Variants in NMI observed in about 807,000 individuals in gnomAD.
NMI encodes N-myc-interactor.
Under a neutral mutation model 34.3 loss-of-function variants are expected in NMI, and 39 were observed. The ratio of observed to expected loss-of-function variants is 1.14; its 90% confidence interval spans 0.88 to 1.49. The LOEUF is 1.49. Among genes scored for constraint, NMI ranks in the 40% most tolerant of loss-of-function variants. NMI has a pLI of 0.00. For missense variants in NMI, 339 were observed against 358.1 expected, an observed-to-expected ratio of 0.95 and a Z score of 0.43; for synonymous variants, 113 against 120.3, an observed-to-expected ratio of 0.94 and a Z score of 0.40.
Position 151,274,677 on chromosome 2 carries a change from C to T in NMI, c.634+807G>A, listed in dbSNP as rs148828399. 7.3e-3 allele frequency among the ~76,000 whole-genome samples: 1,109 copies of T among 151,556 alleles called. 25 individuals carry two copies. The East Asian group carries it at 0.085, about 12-fold the overall frequency. On this transcript the variant is annotated intron_variant, in intron 6 of 7. Coordinates refer to ENST00000243346, the MANE Select transcript of NMI (RefSeq NM_004688.3). ...ATTTTTAGTAGAGACGGGGTTTCACCATGTTAGTCAGGCTGGTCTCGAACT... is the reference window on the plus strand; with the variant it reads ...ATTTTTAGTAGAGACGGGGTTTCACTATGTTAGTCAGGCTGGTCTCGAACT...
At chr2:151,281,713 A>G (rs1278024437) in intron 3 of NMI, among the ~76,000 whole-genome samples, 1 of 152,188 alleles carries the variant, frequency 6.6e-6, no homozygotes, top group African/African-American at 2.4e-5. Flanking sequence ...GCATGTCATT[A>G]TGATCTGTTC....
chr2:151,275,810 T>C lies in NMI; in HGVS notation c.395A>G (p.Asn132Ser). 6.2e-7 allele frequency: 1 copy of C among 1,613,528 alleles called. No individual in the cohort carries two copies. Among genetic ancestry groups the C allele is most frequent in the Non-Finnish European group, 8.5e-7 (1 of 1,179,686 alleles). ...AACTGGCTTGGCCGTAACCTCCAGATTTACATCTTTTATCTGTACATGATG... is the reference window on the plus strand; with the variant it reads ...AACTGGCTTGGCCGTAACCTCCAGACTTACATCTTTTATCTGTACATGATG... ...SKHHVQIKDV[N>S]LEVTAKPVPL... Residue 132 changes from asparagine to serine, a missense_variant, in exon 5 of 8, where the codon AAT becomes AGT. Coordinates refer to ENST00000243346, the MANE Select transcript of NMI (RefSeq NM_004688.3).
chr2:151,286,224 G>A lies in NMI; in HGVS notation c.-6-3270C>T, dbSNP rs150660599. On this transcript the variant is annotated intron_variant, in intron 1 of 7. Coordinates refer to ENST00000243346, the MANE Select transcript of NMI (RefSeq NM_004688.3). ...ACTGAGAACACAATGTAACTTCGAC[G>A]ACAGTCCTGCCAAAGATGCATAATC... Among the ~76,000 whole-genome samples the A allele has an allele frequency of 4.5e-3, 692 of 152,190 alleles. 2 individuals are homozygous for A. The highest frequency in any genetic ancestry group is 5.1e-3 in the African/African-American group (211 of 41,534).
Position 151,271,012 on chromosome 2 carries a change from G to C in NMI, c.742-137C>G, listed in dbSNP as rs532835598. The C allele has an allele frequency of 2.1e-4, 154 of 729,528 alleles. 2 individuals carry two copies. The South Asian group carries it at 2.8e-3, about 13-fold the overall frequency. The allele number at this position is 729,528 out of a possible 1,614,324, so 45.2% of individuals were successfully genotyped here. Reference sequence around the variant, plus strand: ...AATCTTAGGAAGATTTTCCAAGCAAGAGAATATCCAAGTCAGATCTGAGTT... The same window carrying C: ...AATCTTAGGAAGATTTTCCAAGCAACAGAATATCCAAGTCAGATCTGAGTT... On this transcript the variant is annotated intron_variant, in intron 7 of 7. Transcript: ENST00000243346.
chr2:151,278,952 T>C lies in NMI; in HGVS notation c.216A>G (p.Leu72=). 1 of 1,610,742 alleles carries C rather than the reference T, an allele frequency of 6.2e-7. No homozygotes were observed. The highest frequency in any genetic ancestry group is 1.1e-5 in the South Asian group (1 of 90,910). ...EDIPETKMKF[L]SVETPENDSQ... is the part of the protein sequence containing the mutation. ...TGTCATTCTCAGGAGTTTCAACTGA[T>C]AAGAATTTCATCTTTGTTTCAGGAA... The change falls in exon 4 of 8, where the codon TTA becomes TTG. Residue 72 remains leucine (L), a synonymous_variant. Coordinates refer to ENST00000243346, the MANE Select transcript of NMI (RefSeq NM_004688.3).
At chr2:151,281,926 T>A (rs750667904) in intron 3 of NMI, 22 bp downstream of exon 3, 3 of 1,170,668 alleles carry the variant, frequency 2.6e-6, no homozygotes, top group African/African-American at 1.5e-5. Context: ...AAATGTAGTA[T>A]ATAAAATAAT....
At chr2:151,275,246 G>A (rs1264664246) in intron 6 of NMI, among the ~76,000 whole-genome samples, 1 of 152,088 alleles carries the variant, frequency 6.6e-6, no homozygotes, top group Non-Finnish European at 1.5e-5. Flanking sequence ...GCCTCCCAAA[G>A]TGCTGGGATT....
rs777266434 is a variant in NMI at position 151,275,544 on chromosome 2, C to T, written c.574G>A (p.Asp192Asn). The T allele has an allele frequency of 3.1e-6, 5 of 1,614,054 alleles. No individual in the cohort carries two copies. The African/African-American group carries it at 4.0e-5, about 13-fold the overall frequency. The change falls in exon 6 of 8, where the codon GAC (aspartate) becomes AAC (asparagine). Residue 192 changes from aspartate (D) to asparagine (N), a missense_variant. Physicochemically the swap from Asp to Asn is conservative, Grantham distance 23. Coordinates refer to ENST00000243346, the MANE Select transcript of NMI (RefSeq NM_004688.3). ...SKSRNGGGEV[D>N]RVDYDRQSGS... ...GACTGTCTGTCATAGTCCACGCGGT[C>T]CACCTCTCCGCCTCCATTTCGGGAC...
At chr2:151,280,667 C>T (rs289828) in intron 3 of NMI, among the ~76,000 whole-genome samples, 104,392 of 152,014 alleles carry the variant, frequency 0.69, 36,871 homozygotes, top group African/African-American at 0.86. Flanking sequence ...TAGGGCTGGC[C>T]GGTTTCTAAA....
At chr2:151,278,755 G>A (rs531699832) in intron 4 of NMI, 73 bp downstream of exon 4, 1 of 1,127,466 alleles carries the variant, frequency 8.9e-7, no homozygotes, top group East Asian at 2.4e-5. Flanking sequence ...AGTAATATTA[G>A]CGAAGTAATA....
rs1411553743 is a variant in NMI, at chr2:151,270,648, A to T, written c.*45T>A. On this transcript the variant is annotated 3_prime_UTR_variant, in exon 8 of 8. Transcript: ENST00000243346. Reference sequence around the variant, plus strand: ...ATATTCATTTTTGTCAAACATTTACAGTAATCCGGGTTAAAAAGCTATAGT... The same window carrying T: ...ATATTCATTTTTGTCAAACATTTACTGTAATCCGGGTTAAAAAGCTATAGT... 2.1e-6 allele frequency: 3 copies of T among 1,445,858 alleles called. No individual in the cohort carries two copies. The highest frequency in any genetic ancestry group is 2.8e-6 in the Non-Finnish European group (3 of 1,055,546). 89.6% of individuals were successfully genotyped at this position (1,445,858 alleles called of 1,614,324 possible).
At chr2:151,289,476 G>C (rs568860545) in intron 1 of NMI, 117 bp downstream of exon 1, 2 of 152,276 alleles carry the variant, frequency 1.3e-5, no homozygotes, top group South Asian at 2.1e-4. Flanking sequence ...TCTCAACTCC[G>C]GCGCTGTCCC....
chr2:151,279,015 T>G, intron 3 of NMI, 25 bp from the exon 4 acceptor site: 1 of 1,500,474 alleles, frequency 6.7e-7, no homozygotes, highest in Non-Finnish European at 9.2e-7. Context: ...AATGTTTGAT[T>G]AAAATCAAGA....
chr2:151,277,472 G>C (rs6741530), intron 4 of NMI: 1 of 152,182 alleles, frequency 6.6e-6, no homozygotes, highest in African/African-American at 2.4e-5. Context: ...TGCTGTCCCA[G>C]GAGATTGGGA....
At chr2:151,288,843 C>G (rs555649228) in intron 1 of NMI, 1 of 152,338 alleles carries the variant, frequency 6.6e-6, no homozygotes, top group African/African-American at 2.4e-5. Flanking sequence ...CAAGAAAAAC[C>G]TTGCCTATTC....
At chr2:151,285,002 G>C (rs1033412061) in intron 1 of NMI, among the ~76,000 whole-genome samples, 6 of 152,150 alleles carry the variant, frequency 3.9e-5, no homozygotes, top group Non-Finnish European at 4.4e-5. Flanking sequence ...AGAAACCAGG[G>C]CTCATTGGAG....
chr2:151,281,988 T>C lies in NMI; in HGVS notation c.137A>G (p.Lys46Arg), dbSNP rs764080465. 1 of 1,564,644 alleles carries C rather than the reference T, an allele frequency of 6.4e-7. No individual in the cohort carries two copies. The highest frequency in any genetic ancestry group is 2.2e-5 in the East Asian group (1 of 44,566). Residue 46 changes from lysine to arginine, a missense_variant, in exon 3 of 8, where the codon AAG (lysine) becomes AGG (arginine). By Grantham distance (26) the Lys-to-Arg change is conservative (BLOSUM62 2). Transcript: ENST00000243346. ...KNIQLKKEIQ[K>R]LETELQEATK... ...AGCCTCTTGTAACTCCGTTTCAAGC[T>C]TTTGGATCTCCTTCTTTAGTTGAAT...
intron 1 of NMI, among the ~76,000 whole-genome samples, chr2:151,288,351 C>T (rs890810830): frequency 6.6e-6 from 1 of 152,098 alleles, no homozygotes; most frequent in African/African-American, 2.4e-5. Flanking sequence ...AAATGTGACC[C>T]CGGAAGAACT....
chr2:151,272,580 C>T (rs1295734786), intron 6 of NMI, among the ~76,000 whole-genome samples: 1 of 151,984 alleles, frequency 6.6e-6, no homozygotes, highest in Non-Finnish European at 1.5e-5. Context: ...GGGTATATAC[C>T]CGAAACAACT....
Sources: gnomAD v4.1 joint callset for allele counts (sites outside exome capture counted in the v4.1 genomes callset) on GRCh38, gnomAD v4.1.1 for gene constraint, MANE v1.5 for transcripts, NCBI Gene and HGNC (gene_info 2026-07-23, HGNC 2026-07-21) for gene names.